The following SORCS1 variants were observed in gnomAD, a reference collection of about 807,000 sequenced individuals.
SORCS1 encodes sortilin related VPS10 domain containing receptor 1.
Under a neutral mutation model 146.1 loss-of-function variants are expected in SORCS1, and 60 were observed. The observed-to-expected ratio is 0.41, with a 90% confidence interval of 0.33 to 0.51. SORCS1 has a LOEUF of 0.51. Among genes scored for constraint, SORCS1 ranks in the 20% least tolerant of loss-of-function variants. SORCS1 has a pLI of 0.21. For synonymous variants in SORCS1, 637 were observed against 584.0 expected (o/e 1.09, Z -1.31); for missense variants, 1,352 against 1,487.6 (o/e 0.91, Z 1.50).
At chr10:106,686,056 T>C (rs1852805666) in intron 10 of SORCS1, among the ~76,000 whole-genome samples, 1 of 152,220 alleles carries the variant, frequency 6.6e-6, no homozygotes, top group African/African-American at 2.4e-5. Flanking sequence ...CATTGAACTA[T>C]ACTCTTAAAA....
chr10:106,591,260 G>C (rs1428740489), intron 24 of SORCS1, among the ~76,000 whole-genome samples: 1 of 152,098 alleles, frequency 6.6e-6, no homozygotes, highest in Non-Finnish European at 1.5e-5. Flanking sequence ...CTGGGACGTA[G>C]AACTCCAGGA....
chr10:106,755,190 G>A (rs573772620), intron 5 of SORCS1, among the ~76,000 whole-genome samples: 3 of 152,166 alleles, frequency 2.0e-5, no homozygotes, highest in South Asian at 2.1e-4. Flanking sequence ...TGTCAAATGC[G>A]GCACCTTAGC....
At chr10:106,706,210 A>AAAGAAAGAAAGAAAGAAAGAAAG (rs1564880132) in intron 8 of SORCS1, among the ~76,000 whole-genome samples, 2 of 145,812 alleles carry the variant, frequency 1.4e-5, no homozygotes, top group African/African-American at 5.4e-5. Context: ...AAGAAAGAAA[A>AAAGAAAGAAAGAAAGAAAGAAAG]AAGAAAGAAA....
chr10:106,978,389 T>C (rs1254847353), intron 1 of SORCS1, among the ~76,000 whole-genome samples: 1 of 152,206 alleles, frequency 6.6e-6, no homozygotes, highest in African/African-American at 2.4e-5. Context: ...TAATAAAGTA[T>C]GGAAAACGAT....
At chr10:106,956,448 G>T in intron 2 of SORCS1, 65 bp downstream of exon 2, 1 of 1,456,270 alleles carries the variant, frequency 6.9e-7, no homozygotes. Flanking sequence ...AAAGTGGGTG[G>T]GACAGCAGTA....
At chr10:106,777,229 C>G (rs189620961) in intron 3 of SORCS1, among the ~76,000 whole-genome samples, 1 of 152,288 alleles carries the variant, frequency 6.6e-6, no homozygotes. Context: ...AAAGCTTTCT[C>G]TAGGAATTTC....
chr10:106,691,697 C>T (rs551217548), intron 9 of SORCS1, among the ~76,000 whole-genome samples: 1 of 152,234 alleles, frequency 6.6e-6, no homozygotes, highest in South Asian at 2.1e-4. Context: ...TCTACCTATT[C>T]ATCCTTAAAG....
chr10:107,037,516 T>C (rs1411388051), intron 1 of SORCS1, among the ~76,000 whole-genome samples: 3 of 152,268 alleles, frequency 2.0e-5, no homozygotes, highest in African/African-American at 7.2e-5. Context: ...GAATAAATAT[T>C]GGCACATTTT....
At chr10:106,951,533 G>C (rs1479107217) in intron 2 of SORCS1, among the ~76,000 whole-genome samples, 2 of 147,356 alleles carry the variant, frequency 1.4e-5, no homozygotes, top group South Asian at 4.3e-4. Context: ...AAAAAAAACG[G>C]AACACCTGGA....
chr10:107,071,376 T>C (rs946771453), intron 1 of SORCS1, among the ~76,000 whole-genome samples: 1 of 152,156 alleles, frequency 6.6e-6, no homozygotes, highest in African/African-American at 2.4e-5. Flanking sequence ...AGAAAACTTC[T>C]CCTTTGAAAA....
intron 2 of SORCS1, among the ~76,000 whole-genome samples, chr10:106,856,498 G>T (rs2137360296): frequency 6.6e-6 from 1 of 152,276 alleles, no homozygotes; most frequent in South Asian, 2.1e-4. Context: ...GTCAGTTATG[G>T]TCTGACAGAT....
chr10:107,154,124 G>A (rs1263762326), intron 1 of SORCS1, among the ~76,000 whole-genome samples: 1 of 146,842 alleles, frequency 6.8e-6, no homozygotes, highest in East Asian at 2.0e-4. Context: ...CAATTCTCCT[G>A]CCTCAGCCTC....
intron 24 of SORCS1, among the ~76,000 whole-genome samples, chr10:106,595,790 G>C (rs1196300648): frequency 2.0e-5 from 3 of 152,032 alleles, no homozygotes; most frequent in Non-Finnish European, 4.4e-5. Context: ...TGGTGCTTTG[G>C]TGCTTAGAAT....
chr10:106,749,449 C>T (rs1157528267), intron 5 of SORCS1, among the ~76,000 whole-genome samples: 3 of 152,144 alleles, frequency 2.0e-5, no homozygotes, highest in Admixed American at 1.3e-4. Context: ...CTTTGCAGTC[C>T]TACCTAAGCA....
At chr10:106,813,789 A>T (rs980330946) in intron 3 of SORCS1, among the ~76,000 whole-genome samples, 41 of 152,248 alleles carry the variant, frequency 2.7e-4, no homozygotes, top group Admixed American at 1.4e-3. Flanking sequence ...ATGTTTTTAA[A>T]TTAGCTGGCA....
chr10:107,159,299 A>C (rs987540651), intron 1 of SORCS1, among the ~76,000 whole-genome samples: 7 of 152,250 alleles, frequency 4.6e-5, no homozygotes, highest in Non-Finnish European at 8.8e-5. Flanking sequence ...TAAATGCAGC[A>C]GGTATCCAGT....
At position 106,579,365 on chromosome 10, in the gene SORCS1, G is replaced by C; in HGVS notation, c.3371+4C>G. On this transcript the variant is annotated splice_donor_region_variant and intron_variant, in intron 25 of 25. Transcript: ENST00000263054. ...TGGGGGAACGTGGATAGAGGGACAC[G>C]CACCTTTTAAACTTGTAGATGACGA... 1.2e-6 allele frequency: 2 copies of C among 1,613,944 alleles called. No individual in the cohort carries two copies. Among genetic ancestry groups the C allele is most frequent in the Admixed American group, 1.7e-5 (1 of 59,986 alleles).
intron 2 of SORCS1, among the ~76,000 whole-genome samples, chr10:106,926,756 C>T (rs74723153): frequency 0.033 from 5,025 of 150,758 alleles, 194 homozygotes; most frequent in South Asian, 0.12. Flanking sequence ...ATTTTAGTAG[C>T]ATTAAGATGG....
At chr10:107,011,134 A>G (rs1957679850) in intron 1 of SORCS1, among the ~76,000 whole-genome samples, 1 of 152,202 alleles carries the variant, frequency 6.6e-6, no homozygotes, top group African/African-American at 2.4e-5. Context: ...GGTGACTGAT[A>G]AATAGCAGCT....
Sources: allele counts gnomAD v4.1 joint callset (sites outside exome capture counted in the v4.1 genomes callset), GRCh38; gene constraint gnomAD v4.1.1; transcripts MANE v1.5; gene names NCBI Gene and HGNC (gene_info 2026-07-23, HGNC 2026-07-21).